Variants in RBFOX1 observed in about 807,000 individuals in gnomAD.
The protein encoded by RBFOX1 is RNA binding fox-1 homolog 1.
Under a neutral mutation model 57.7 loss-of-function variants are expected in RBFOX1, and 8 were observed. The observed-to-expected ratio is 0.14, with a 90% confidence interval of 0.08 to 0.25. The LOEUF (loss-of-function observed/expected upper bound fraction) is 0.25. RBFOX1 is among the 10% of genes least tolerant of loss of function. The probability of loss-of-function intolerance (pLI) is 1.00; values close to 1 mark genes in which losing one functional copy is unlikely to be tolerated. For synonymous variants in RBFOX1, 326 were observed against 222.4 expected (o/e 1.47, Z -4.15); for missense variants, 611 against 548.5 (o/e 1.11, Z -1.14).
intron 4 of RBFOX1, among the ~76,000 whole-genome samples, chr16:6,004,593 C>G (rs1596385142): frequency 6.6e-6 from 1 of 152,154 alleles, no homozygotes; most frequent in East Asian, 1.9e-4. Flanking sequence ...TTCTTATATG[C>G]TATTCATTTA....
intron 4 of RBFOX1, among the ~76,000 whole-genome samples, chr16:7,343,656 C>G (rs1352800372): frequency 6.6e-6 from 1 of 152,078 alleles, no homozygotes; most frequent in East Asian, 1.9e-4. Context: ...CTTGTCGTAC[C>G]TAATTGAAGT....
chr16:5,560,395 G>A (rs1223782784), intron 2 of RBFOX1, among the ~76,000 whole-genome samples: 3 of 152,094 alleles, frequency 2.0e-5, no homozygotes, highest in Non-Finnish European at 4.4e-5. Context: ...CCTGCAGGAA[G>A]GATAACCTGA....
chr16:5,262,732 A>G (rs2062765968), intron 1 of RBFOX1, among the ~76,000 whole-genome samples: 1 of 152,196 alleles, frequency 6.6e-6, no homozygotes, highest in African/African-American at 2.4e-5. Context: ...GGAGGCAGAA[A>G]AGTGCAAAGA....
chr16:5,948,468 T>C (rs1156694162), intron 4 of RBFOX1, among the ~76,000 whole-genome samples: 1 of 152,146 alleles, frequency 6.6e-6, no homozygotes, highest in Non-Finnish European at 1.5e-5. Flanking sequence ...TGTGGCCATA[T>C]TTGGAAATAA....
In RBFOX1 at chr16:5,646,809, A is replaced by G. The variant is rs746106676; in HGVS notation, c.318+47848A>G. Among the ~76,000 whole-genome samples, 74 of 151,690 alleles carry G rather than the reference A, an allele frequency of 4.9e-4. 1 individual carries two copies. Among genetic ancestry groups the G allele is most frequent in the Non-Finnish European group, 1.6e-4 (11 of 67,940 alleles). ...ATCACCACGCTTGGCTAATTTTTAT[A>G]TTTTTAGTAGAGACAGGGTTTCACT... On this transcript the variant is annotated intron_variant, in intron 3 of 19. Coordinates refer to the RBFOX1 transcript ENST00000641259.
chr16:6,336,273 A>C (rs1482437819), intron 2 of RBFOX1, among the ~76,000 whole-genome samples: 2 of 133,036 alleles, frequency 1.5e-5, no homozygotes, highest in African/African-American at 5.6e-5. Context: ...ATCTCGGCTC[A>C]CTGCAAGCTC....
chr16:6,586,558 TG>T (rs1208042046), intron 2 of RBFOX1, among the ~76,000 whole-genome samples: 1 of 152,198 alleles, frequency 6.6e-6, no homozygotes, highest in Non-Finnish European at 1.5e-5. Context: ...ATAGCTGGTT[TG>T]GGGCAAAGCT....
chr16:5,483,153 T>G (rs569939401), intron 2 of RBFOX1, among the ~76,000 whole-genome samples: 1 of 152,318 alleles, frequency 6.6e-6, no homozygotes, highest in Admixed American at 6.5e-5. Context: ...TGGGGTTTGA[T>G]GCAAATGTTC....
At chr16:5,941,442 A>C (rs1038749818) in intron 4 of RBFOX1, among the ~76,000 whole-genome samples, 1 of 151,814 alleles carries the variant, frequency 6.6e-6, no homozygotes, top group Non-Finnish European at 1.5e-5. Flanking sequence ...GTGAGCTATG[A>C]TAGCTCTTCT....
intron 5 of RBFOX1, among the ~76,000 whole-genome samples, chr16:7,566,009 C>G (rs1215306911): frequency 1.3e-5 from 2 of 152,102 alleles, no homozygotes; most frequent in Admixed American, 1.3e-4. Context: ...ACTTGCCGAG[C>G]GCCTACTATG....
intron 4 of RBFOX1, among the ~76,000 whole-genome samples, chr16:5,887,016 A>T (rs1170344788): frequency 6.6e-6 from 1 of 152,192 alleles, no homozygotes; most frequent in Admixed American, 6.5e-5. Context: ...TGTCCTGTGC[A>T]TTGCAGAATG....
At chr16:5,358,563 C>T (rs1274939478) in intron 1 of RBFOX1, among the ~76,000 whole-genome samples, 2 of 152,302 alleles carry the variant, frequency 1.3e-5, no homozygotes, top group East Asian at 1.9e-4. Flanking sequence ...TAAAAATGCA[C>T]CTGTAATCCC....
intron 3 of RBFOX1, among the ~76,000 whole-genome samples, chr16:6,991,403 G>C (rs1004602646): frequency 6.6e-6 from 1 of 152,150 alleles, no homozygotes; most frequent in African/African-American, 2.4e-5. Flanking sequence ...GCAACATTCC[G>C]TTTGGGCCTC....
At chr16:5,729,404 T>C (rs979559882) in intron 3 of RBFOX1, among the ~76,000 whole-genome samples, 2 of 150,200 alleles carry the variant, frequency 1.3e-5, no homozygotes, top group African/African-American at 2.4e-5. Context: ...TTCTTTTTTT[T>C]TTTTTTTTTT....
intron 1 of RBFOX1, among the ~76,000 whole-genome samples, chr16:5,431,059 C>T (rs935120553): frequency 2.6e-5 from 4 of 152,126 alleles, no homozygotes; most frequent in Admixed American, 6.6e-5. Flanking sequence ...ACTCTTTCTC[C>T]GTAGTGACAT....
intron 4 of RBFOX1, among the ~76,000 whole-genome samples, chr16:7,280,340 C>A (rs974702467): frequency 1.3e-5 from 2 of 152,182 alleles, no homozygotes; most frequent in African/African-American, 2.4e-5. Context: ...CTCCATAGAC[C>A]CTAAGACTAT....
intron 4 of RBFOX1, among the ~76,000 whole-genome samples, chr16:7,318,439 G>T (rs2096484885): frequency 6.6e-6 from 1 of 152,106 alleles, no homozygotes; most frequent in Non-Finnish European, 1.5e-5. Context: ...TCACACATAA[G>T]TACCTGGCTT....
At chr16:7,398,167 C>G (rs1015284035) in intron 4 of RBFOX1, among the ~76,000 whole-genome samples, 1 of 152,210 alleles carries the variant, frequency 6.6e-6, no homozygotes, top group Non-Finnish European at 1.5e-5. Context: ...CCATTTCAAA[C>G]AAGCATTGGT....
chr16:5,856,208 C>CACATAT (rs1567631008), intron 3 of RBFOX1, among the ~76,000 whole-genome samples: 2 of 28,560 alleles, frequency 7.0e-5, no homozygotes, highest in African/African-American at 2.4e-4. Flanking sequence ...TATATATATA[C>CACATAT]ATATATATGT....
Sources: gnomAD v4.1 joint callset for allele counts (sites outside exome capture counted in the v4.1 genomes callset) on GRCh38, gnomAD v4.1.1 for gene constraint, MANE v1.5 for transcripts, NCBI Gene and HGNC (gene_info 2026-07-23, HGNC 2026-07-21) for gene names.